ABHD17C: variants seen among roughly 807,000 people sequenced by gnomAD.
The protein encoded by ABHD17C is alpha/beta hydrolase domain-containing protein 17C.
Under a neutral mutation model 27.9 loss-of-function variants are expected in ABHD17C, and 11 were observed. The ratio of observed to expected loss-of-function variants is 0.39; its 90% CI spans 0.25 to 0.65. The LOEUF is 0.65. ABHD17C is among the 30% of genes least tolerant of loss of function. ABHD17C has a pLI of 0.45. For synonymous variants in ABHD17C, 233 were observed against 209.1 expected (o/e 1.11, Z -0.98); for missense variants, 280 against 470.2 (o/e 0.60, Z 3.74).
Position 80,743,412 on chromosome 15 carries a change from C to T in ABHD17C, c.591-6101C>T, listed in dbSNP as rs758545220. 2.8e-4 allele frequency among the ~76,000 whole-genome samples: 43 copies of T among 152,236 alleles called. 1 individual carries two copies. The highest frequency in any genetic ancestry group is 1.4e-3 in the Admixed American group (21 of 15,296). On this transcript the variant is annotated intron_variant, in intron 1 of 2. Coordinates refer to ENST00000258884, the MANE Select transcript of ABHD17C (RefSeq NM_021214.2). ...AAAATGCTGCCTTAGGGATAGAAAG[C>T]GCTGTGTGTAGGCCCTGCTGCGGTT...
At chr15:80,726,056 T>C (rs959099724) in intron 1 of ABHD17C, among the ~76,000 whole-genome samples, 6 of 152,346 alleles carry the variant, frequency 3.9e-5, no homozygotes, top group Non-Finnish European at 7.3e-5. Flanking sequence ...TCTATAGATA[T>C]TAAGTTAACT....
chr15:80,732,691 A>G (rs1473872987), intron 1 of ABHD17C, among the ~76,000 whole-genome samples: 1 of 152,236 alleles, frequency 6.6e-6, no homozygotes. Context: ...TGAAGATGCC[A>G]TCAAGGAGGG....
At chr15:80,712,159 G>A (rs954604095) in intron 1 of ABHD17C, among the ~76,000 whole-genome samples, 8 of 152,176 alleles carry the variant, frequency 5.3e-5, no homozygotes, top group East Asian at 3.8e-4. Context: ...GGACTCCTCC[G>A]TTGGAATGTG....
chr15:80,723,739 A>G (rs1257741610), intron 1 of ABHD17C, among the ~76,000 whole-genome samples: 1 of 152,216 alleles, frequency 6.6e-6, no homozygotes, highest in Non-Finnish European at 1.5e-5. Flanking sequence ...GGGCACACAG[A>G]ATCAGTGCAG....
intron 1 of ABHD17C, among the ~76,000 whole-genome samples, chr15:80,729,870 G>A (rs945494875): frequency 6.6e-6 from 1 of 152,170 alleles, no homozygotes; most frequent in African/African-American, 2.4e-5. Context: ...CCAGCACTTT[G>A]GAAGGCTGAG....
At chr15:80,751,626 T>A (rs1345323778) in intron 2 of ABHD17C, among the ~76,000 whole-genome samples, 2 of 152,184 alleles carry the variant, frequency 1.3e-5, no homozygotes. Context: ...TACACATCTG[T>A]AGTCCCAGCT....
intron 1 of ABHD17C, 37 bp downstream of exon 1, chr15:80,696,056 T>G (rs774522672): frequency 6.6e-7 from 1 of 1,506,400 alleles, no homozygotes; most frequent in Admixed American, 2.0e-5. Context: ...GACTTCCAGC[T>G]GTGGGGAGGC....
intron 1 of ABHD17C, among the ~76,000 whole-genome samples, chr15:80,732,385 G>T (rs1044664733): frequency 6.6e-6 from 1 of 152,134 alleles, no homozygotes; most frequent in Non-Finnish European, 1.5e-5. Context: ...TAGGCTTATC[G>T]CAAGCAGCTC....
In ABHD17C at chr15:80,755,203, T is replaced by G. The variant is rs1195023931; in HGVS notation, c.*833T>G. 1 of 152,236 alleles carries G rather than the reference T, an allele frequency of 6.6e-6. No homozygotes were observed. The highest frequency in any genetic ancestry group is 1.5e-5 in the Non-Finnish European group (1 of 68,036). 9.4% of individuals were successfully genotyped at this position (152,236 alleles called of 1,614,324 possible). ...TGAACTGCAGATTCCTTGTTTGTAA[T>G]GTAAATGATTGAATACATTTTGTTA... On this transcript the variant is annotated 3_prime_UTR_variant, in exon 3 of 3. Transcript: ENST00000258884.
In ABHD17C at chr15:80,754,634, A is replaced by G. The variant is rs536937519; in HGVS notation, c.*264A>G. The G allele has an allele frequency of 1.2e-4, 51 of 411,710 alleles. No homozygotes were observed. The highest frequency in any genetic ancestry group is 8.0e-4 in the African/African-American group (40 of 49,972). 25.5% of individuals were successfully genotyped at this position (411,710 alleles called of 1,614,324 possible). A position where few individuals can be genotyped will look rare whatever the true frequency, so the allele number is the denominator to read the frequency against. On this transcript the variant is annotated 3_prime_UTR_variant, in exon 3 of 3. Coordinates refer to ENST00000258884, the MANE Select transcript of ABHD17C (RefSeq NM_021214.2). ...GGGAATGAGAGCTGAATGTAGGGAC[A>G]ATTTTCTAGTGCTGTATAAAGTAGC...
intron 1 of ABHD17C, among the ~76,000 whole-genome samples, chr15:80,718,090 G>A (rs544428800): frequency 7.9e-5 from 12 of 152,280 alleles, no homozygotes; most frequent in Admixed American, 7.9e-4. Flanking sequence ...GAGTTGTTAG[G>A]AAGGTGGTTT....
chr15:80,717,379 G>A (rs534645305), intron 1 of ABHD17C, among the ~76,000 whole-genome samples: 5 of 149,678 alleles, frequency 3.3e-5, no homozygotes. Context: ...TTTTCCACTC[G>A]TTATAAAATT....
At chr15:80,746,594 G>A (rs1040503204) in intron 1 of ABHD17C, among the ~76,000 whole-genome samples, 8 of 152,172 alleles carry the variant, frequency 5.3e-5, no homozygotes, top group Admixed American at 1.3e-4. Flanking sequence ...GCTGAGAACC[G>A]AAGGCTAGGA....
At chr15:80,697,809 A>C (rs1398502018) in intron 1 of ABHD17C, among the ~76,000 whole-genome samples, 1 of 152,166 alleles carries the variant, frequency 6.6e-6, no homozygotes, top group Admixed American at 6.5e-5. Flanking sequence ...TATCTAAGTT[A>C]ATTTATTCAC....
At chr15:80,753,176 C>A (rs780629334) in intron 2 of ABHD17C, among the ~76,000 whole-genome samples, 4 of 151,514 alleles carry the variant, frequency 2.6e-5, no homozygotes, top group Non-Finnish European at 5.9e-5. Flanking sequence ...TTTTAAAATT[C>A]TCTTGAAAAA....
intron 1 of ABHD17C, among the ~76,000 whole-genome samples, chr15:80,742,853 G>C (rs962524284): frequency 6.6e-6 from 1 of 152,072 alleles, no homozygotes; most frequent in Non-Finnish European, 1.5e-5. Flanking sequence ...AAGAAGGAAG[G>C]CATCGTTCTT....
chr15:80,713,900 C>CCCCA (rs762670035), intron 1 of ABHD17C, among the ~76,000 whole-genome samples: 4 of 141,048 alleles, frequency 2.8e-5, no homozygotes, highest in African/African-American at 8.0e-5. Context: ...CATATACAGA[C>CCCCA]CACACACACA....
At chr15:80,738,344 T>C (rs1302414084) in intron 1 of ABHD17C, among the ~76,000 whole-genome samples, 1 of 152,096 alleles carries the variant, frequency 6.6e-6, no homozygotes, top group Non-Finnish European at 1.5e-5. Context: ...CCAAGGTCCC[T>C]GTGGGGCAGT....
chr15:80,705,529 C>T (rs1036726682), intron 1 of ABHD17C, among the ~76,000 whole-genome samples: 1 of 152,090 alleles, frequency 6.6e-6, no homozygotes, highest in Non-Finnish European at 1.5e-5. Flanking sequence ...TAACACAGTG[C>T]TTTCCACATA....
Sources: gnomAD v4.1 joint callset for allele counts (sites outside exome capture counted in the v4.1 genomes callset) on GRCh38, gnomAD v4.1.1 for gene constraint, MANE v1.5 for transcripts, NCBI Gene and HGNC (gene_info 2026-07-23, HGNC 2026-07-21) for gene names.